STXBP4: variants seen among roughly 807,000 people sequenced by gnomAD.
STXBP4 encodes syntaxin binding protein 4.
STXBP4 carries 55 observed loss-of-function variants against 76.1 expected under a neutral mutation model. That is an observed-to-expected ratio of 0.72 (90% CI 0.58 to 0.91). The LOEUF (loss-of-function observed/expected upper bound fraction) is 0.91, where lower values mean the gene tolerates loss of function less well. STXBP4 is among the 40% of genes least tolerant of loss of function. The probability of loss-of-function intolerance (pLI) is 0.00; values close to 1 mark genes in which losing one functional copy is unlikely to be tolerated. For missense variants in STXBP4, 618 were observed against 636.9 expected, an observed-to-expected ratio of 0.97 and a Z score of 0.32; for synonymous variants, 201 against 220.2, an observed-to-expected ratio of 0.91 and a Z score of 0.77.
chr17:55,086,599 C>T (rs182708850), intron 16 of STXBP4, among the ~76,000 whole-genome samples: 6 of 152,148 alleles, frequency 3.9e-5, no homozygotes, highest in East Asian at 1.9e-4. Flanking sequence ...TTTTTACTTC[C>T]GTGAGATCAA....
At chr17:55,135,762 A>G (rs2080021871) in intron 16 of STXBP4, among the ~76,000 whole-genome samples, 1 of 152,190 alleles carries the variant, frequency 6.6e-6, no homozygotes, top group African/African-American at 2.4e-5. Context: ...TTTTAAAAGA[A>G]CATTGCTCTT....
chr17:55,001,178 A>G (rs908104574), intron 7 of STXBP4, among the ~76,000 whole-genome samples: 1 of 152,208 alleles, frequency 6.6e-6, no homozygotes, highest in Non-Finnish European at 1.5e-5. Flanking sequence ...TTCTATAAAG[A>G]TCAAGATTAG....
intron 9 of STXBP4, among the ~76,000 whole-genome samples, chr17:55,032,462 A>G (rs1157634392): frequency 6.6e-6 from 1 of 152,158 alleles, no homozygotes; most frequent in African/African-American, 2.4e-5. Flanking sequence ...GAGGAAAATC[A>G]CAATGAGGAA....
At chr17:55,117,599 G>A (rs1457445794) in intron 16 of STXBP4, among the ~76,000 whole-genome samples, 14 of 147,160 alleles carry the variant, frequency 9.5e-5, no homozygotes, top group African/African-American at 1.5e-4. Context: ...TGCACTAATC[G>A]AAAAAAAAAA....
chr17:55,153,596 T>C (rs1337850153), intron 17 of STXBP4, among the ~76,000 whole-genome samples: 1 of 152,192 alleles, frequency 6.6e-6, no homozygotes, highest in African/African-American at 2.4e-5. Context: ...TTTAAGGTTT[T>C]AAATTTGTTA....
At chr17:54,977,999 C>T (rs564532218) in intron 1 of STXBP4, among the ~76,000 whole-genome samples, 2 of 152,274 alleles carry the variant, frequency 1.3e-5, no homozygotes, top group South Asian at 2.1e-4. Flanking sequence ...AATGTCACTA[C>T]ACTAGTACAC....
chr17:55,026,788 A>G (rs924215852), intron 8 of STXBP4, among the ~76,000 whole-genome samples: 6 of 152,190 alleles, frequency 3.9e-5, no homozygotes, highest in Non-Finnish European at 8.8e-5. Context: ...AGAAGCTCCC[A>G]ACTGAAATTC....
At chr17:55,109,703 C>T (rs2079688719) in intron 16 of STXBP4, among the ~76,000 whole-genome samples, 1 of 149,078 alleles carries the variant, frequency 6.7e-6, no homozygotes, top group Non-Finnish European at 1.5e-5. Flanking sequence ...AATCTCAGCT[C>T]ACTGCAACCT....
At chr17:55,013,450 G>A (rs1340512589) in intron 8 of STXBP4, among the ~76,000 whole-genome samples, 1 of 152,126 alleles carries the variant, frequency 6.6e-6, no homozygotes, top group Non-Finnish European at 1.5e-5. Flanking sequence ...ATCCATATTC[G>A]GCAGAAGCCT....
chr17:55,198,364 T>C, the STXBP4 span, among the ~76,000 whole-genome samples: 7 of 152,206 alleles, frequency 4.6e-5, no homozygotes, highest in Non-Finnish European at 1.0e-4. Context: ...TGGCCTCAGG[T>C]TCTCTGCCTC....
chr17:55,144,013 A>G (rs397694186), intron 17 of STXBP4, among the ~76,000 whole-genome samples: 30,367 of 131,568 alleles, frequency 0.23, 3,130 homozygotes, highest in East Asian at 0.27. Context: ...CTGCACACAC[A>G]CACACACACA....
chr17:55,097,287 T>C (rs2144998274), intron 16 of STXBP4, among the ~76,000 whole-genome samples: 1 of 152,318 alleles, frequency 6.6e-6, no homozygotes, highest in Admixed American at 6.5e-5. Flanking sequence ...CAACCTCACT[T>C]TTGCCCCATT....
At chr17:55,097,504 A>C (rs1168840805) in intron 16 of STXBP4, among the ~76,000 whole-genome samples, 6 of 152,076 alleles carry the variant, frequency 3.9e-5, no homozygotes, top group Non-Finnish European at 8.8e-5. Flanking sequence ...TCTACTAAAA[A>C]TATAAAAAAT....
Position 54,986,225 on chromosome 17 carries a change from T to C in STXBP4, c.6T>C (p.Asn2=), listed in dbSNP as rs1250604279. 1 of 1,602,350 alleles carries C rather than the reference T, an allele frequency of 6.2e-7. No individual in the cohort carries two copies. The highest frequency in any genetic ancestry group is 2.3e-5 in the East Asian group (1 of 44,442). The change falls in exon 3 of 18, where the codon AAT becomes AAC. Residue 2 remains asparagine (N), a synonymous_variant. Coordinates refer to ENST00000376352, the MANE Select transcript of STXBP4 (RefSeq NM_178509.6). The part of the protein sequence containing the change: M[N]KNTSTVVSPS... The stretch of plus-strand genomic sequence containing the variant: ...AAGGCTACTTTGGTGAAAGCATGAA[T>C]AAAAATACATCTACTGTAGTATCAC...
the STXBP4 span, among the ~76,000 whole-genome samples, chr17:55,195,197 G>A: frequency 3.9e-5 from 6 of 152,092 alleles, no homozygotes; most frequent in African/African-American, 4.8e-5. Context: ...ACCATCCACC[G>A]GGCAAATTAT....
rs190599273 is a variant in STXBP4, at chr17:55,065,564, T to C, written c.1012-7336T>C. Among the ~76,000 whole-genome samples the C allele has an allele frequency of 5.9e-5, 9 of 152,252 alleles. No individual in the cohort carries two copies. The East Asian group carries it at 1.7e-3, about 29-fold the overall frequency. On this transcript the variant is annotated intron_variant, in intron 12 of 17. Transcript: ENST00000376352. The stretch of plus-strand genomic sequence containing the variant: ...TAATCTGCAATTATGAAAGGAAGTT[T>C]CCAATACTATAAATTTTCCCTTTTG...
chr17:55,046,227 C>T (rs1170219427), intron 11 of STXBP4, among the ~76,000 whole-genome samples: 1 of 151,924 alleles, frequency 6.6e-6, no homozygotes, highest in East Asian at 1.9e-4. Context: ...AACATAAAAT[C>T]ACAGGAGCCA....
chr17:55,212,459 C>T, the STXBP4 span, among the ~76,000 whole-genome samples: 1 of 152,076 alleles, frequency 6.6e-6, no homozygotes, highest in Non-Finnish European at 1.5e-5. Context: ...GTGGCAGATA[C>T]ATGTTTAGTG....
At chr17:55,155,736 T>A (rs1567785210) in intron 17 of STXBP4, among the ~76,000 whole-genome samples, 1 of 152,144 alleles carries the variant, frequency 6.6e-6, no homozygotes, top group Non-Finnish European at 1.5e-5. Flanking sequence ...CCTTTTTGTT[T>A]AACAGGTTGT....
Sources: allele counts gnomAD v4.1 joint callset (sites outside exome capture counted in the v4.1 genomes callset), GRCh38; gene constraint gnomAD v4.1.1; transcripts MANE v1.5; gene names NCBI Gene and HGNC (gene_info 2026-07-23, HGNC 2026-07-21).